USH2A: variants seen among roughly 807,000 people sequenced by gnomAD.
USH2A encodes the protein Usher syndrome 2A (autosomal recessive, mild).
Under a neutral mutation model 538.9 loss-of-function variants are expected in USH2A, and 443 were observed. The ratio of observed to expected loss-of-function variants is 0.82; its 90% CI spans 0.76 to 0.89. USH2A has a LOEUF of 0.89. Ranked by LOEUF, USH2A falls within the 40% of genes least tolerant of loss-of-function variation. The pLI is 0.00. For missense variants in USH2A, 6,633 were observed against 6,324.8 expected, an observed-to-expected ratio of 1.05 and a Z score of -1.65; for synonymous variants, 2,413 against 2,273.5, an observed-to-expected ratio of 1.06 and a Z score of -1.75.
chr1:215,881,199 G>A (rs879553072), intron 41 of USH2A, among the ~76,000 whole-genome samples: 1 of 152,066 alleles, frequency 6.6e-6, no homozygotes, highest in Non-Finnish European at 1.5e-5. Flanking sequence ...GGAGTGCAGC[G>A]GTGCGATTTC....
intron 37 of USH2A, among the ~76,000 whole-genome samples, chr1:215,955,031 A>G (rs1558180585): frequency 1.3e-5 from 2 of 152,056 alleles, no homozygotes; most frequent in African/African-American, 4.8e-5. Flanking sequence ...GCTCAAAGAA[A>G]CTTTCTTGAC....
chr1:216,343,750 A>G (rs1419833677), intron 4 of USH2A, among the ~76,000 whole-genome samples: 1 of 152,038 alleles, frequency 6.6e-6, no homozygotes, highest in Non-Finnish European at 1.5e-5. Context: ...TTAGTGTGAC[A>G]CTAAGAATAT....
chr1:215,996,205 C>T (rs1259018826), intron 34 of USH2A, among the ~76,000 whole-genome samples: 2 of 152,050 alleles, frequency 1.3e-5, no homozygotes, highest in South Asian at 2.1e-4. Flanking sequence ...GCCAGTGTGC[C>T]CGGACCAAAA....
Position 215,765,821 on chromosome 1 carries a change from A to T in USH2A, c.11047+860T>A, listed in dbSNP as rs143922394. ...TATGAACTGATCATCTCATTCTTTT[A>T]TACTGGTGCATGGAATTCCACAATA... On this transcript the variant is annotated intron_variant, in intron 56 of 71. Coordinates refer to ENST00000307340, the MANE Select transcript of USH2A (RefSeq NM_206933.4). Among the ~76,000 whole-genome samples the T allele has an allele frequency of 1.9e-3, 285 of 152,254 alleles. 1 individual carries two copies. Among genetic ancestry groups the T allele is most frequent in the African/African-American group, 6.7e-3 (279 of 41,564 alleles).
At chr1:216,180,144 G>C (rs1432624343) in intron 20 of USH2A, among the ~76,000 whole-genome samples, 7 of 152,014 alleles carry the variant, frequency 4.6e-5, no homozygotes, top group African/African-American at 1.7e-4. Flanking sequence ...TTCAAATTAT[G>C]TATGATTAAG....
At chr1:216,309,726 C>G (rs1285987331) in intron 9 of USH2A, among the ~76,000 whole-genome samples, 2 of 152,008 alleles carry the variant, frequency 1.3e-5, no homozygotes, top group African/African-American at 4.8e-5. Flanking sequence ...CTCCTCTACT[C>G]CTTATTTGTG....
In USH2A at chr1:216,184,842, T is replaced by C. The variant is rs2034566792; in HGVS notation, c.4396+5381A>G. Among the ~76,000 whole-genome samples, 3 of 152,096 alleles carry C rather than the reference T, an allele frequency of 2.0e-5. No individual in the cohort carries two copies. In the South Asian group the frequency reaches 6.2e-4, roughly 32 times the overall value. Reference sequence around the variant, plus strand: ...TTTCAACCCAGCAGCAAACAGCCTATACATTTTACTTTGCATTCAGAAAGA... The same window carrying C: ...TTTCAACCCAGCAGCAAACAGCCTACACATTTTACTTTGCATTCAGAAAGA... On this transcript the variant is annotated intron_variant, in intron 20 of 71. Transcript: ENST00000307340.
At chr1:216,295,449 C>A (rs1367135572) in intron 9 of USH2A, among the ~76,000 whole-genome samples, 1 of 151,512 alleles carries the variant, frequency 6.6e-6, no homozygotes, top group African/African-American at 2.4e-5. Context: ...AATAAATACA[C>A]CTTAGAATTT....
intron 21 of USH2A, among the ~76,000 whole-genome samples, chr1:216,133,007 A>G (rs1439307130): frequency 6.6e-6 from 1 of 152,130 alleles, no homozygotes; most frequent in Admixed American, 6.6e-5. Flanking sequence ...GTTGATGCGT[A>G]TAGCCCTGCT....
intron 4 of USH2A, among the ~76,000 whole-genome samples, chr1:216,349,353 AACCAG>A (rs774992391): frequency 1.3e-5 from 2 of 152,056 alleles, no homozygotes; most frequent in Non-Finnish European, 2.9e-5. Context: ...GGGGCTTTTG[AACCAG>A]AGCAACTCCA....
intron 60 of USH2A, among the ~76,000 whole-genome samples, chr1:215,730,146 G>A: frequency 6.6e-6 from 1 of 152,104 alleles, no homozygotes; most frequent in South Asian, 2.1e-4. Flanking sequence ...GAAATGGAAT[G>A]GTGAGTTGTT....
Position 215,731,044 on chromosome 1 carries a change from T to G in USH2A, c.11712-2660A>C, listed in dbSNP as rs756629551. ...GTCTATGGGGAAGTAACATTTTCTA[T>G]TTTGTCTAGCTTCAGCCTTTCCATG... On this transcript the variant is annotated intron_variant, in intron 60 of 71. Coordinates refer to ENST00000307340, the MANE Select transcript of USH2A (RefSeq NM_206933.4). Among the ~76,000 whole-genome samples the G allele has an allele frequency of 2.0e-5, 3 of 152,328 alleles. No homozygotes were observed. In the South Asian group the frequency reaches 6.2e-4, roughly 32 times the overall value.
intron 32 of USH2A, among the ~76,000 whole-genome samples, chr1:216,036,759 T>C (rs1292023474): frequency 6.6e-6 from 1 of 152,110 alleles, no homozygotes. Flanking sequence ...AATGGCTTTC[T>C]GGAAGACAGG....
In USH2A at chr1:216,098,773, T is replaced by TC. The variant is rs544086152; in HGVS notation, c.4628-1561_4628-1560insG. ...ATTAAAAAAATGTAATGCAATGTGA[T>TC]AAATGGTATAGGGATGTATACAAAA... On this transcript the variant is annotated intron_variant, in intron 21 of 71. Coordinates refer to ENST00000307340, the MANE Select transcript of USH2A (RefSeq NM_206933.4). 7.8e-3 allele frequency among the ~76,000 whole-genome samples: 1,189 copies of TC among 152,320 alleles called. 8 individuals are homozygous for TC. The highest frequency in any genetic ancestry group is 0.012 in the Non-Finnish European group (834 of 68,026).
rs777821355 is a variant in USH2A at position 215,674,125 on chromosome 1, C to T, written c.13786G>A (p.Val4596Ile). The T allele has an allele frequency of 1.2e-6, 2 of 1,614,016 alleles. No individual in the cohort carries two copies. Among genetic ancestry groups the T allele is most frequent in the South Asian group, 2.2e-5 (2 of 91,060 alleles). Residue 4596 changes from valine to isoleucine, a missense_variant, in exon 63 of 72, where the codon GTA becomes ATA. Physicochemically the swap from Val to Ile is conservative, Grantham distance 29. Coordinates refer to ENST00000307340, the MANE Select transcript of USH2A (RefSeq NM_206933.4). Reference protein sequence around the residue: ...HNSFGMQSYIVNQLKPFHRYE... With the variant: ...HNSFGMQSYIINQLKPFHRYE... ...CTGTGAAATGGCTTCAGCTGGTTTA[C>T]TATATATGACTGCATACCAAAAGAA...
rs376815897 is a variant in USH2A at position 215,650,612 on chromosome 1, C to T, written c.14323G>A (p.Ala4775Thr). 16 of 1,614,026 alleles carry T rather than the reference C, an allele frequency of 9.9e-6. No homozygotes were observed. Among genetic ancestry groups the T allele is most frequent in the African/African-American group, 4.0e-5 (3 of 74,898 alleles). Residue 4775 changes from alanine (A) to threonine (T), a missense_variant, in exon 65 of 72, where the codon GCC becomes ACC. Physicochemically the swap from Ala to Thr is moderately conservative, Grantham distance 58 (BLOSUM62 0). Transcript: ENST00000307340. Reference sequence around the variant, plus strand: ...CTCACCACTGTCTCAGCCCCATGGGCGCTGCTGGAGAACAGCCTGTAGAGA... The same window carrying T: ...CTCACCACTGTCTCAGCCCCATGGGTGCTGCTGGAGAACAGCCTGTAGAGA... The part of the protein sequence containing the change: ...VSLYRLFSSS[A>T]HGAETVLSEG...
intron 30 of USH2A, among the ~76,000 whole-genome samples, chr1:216,054,284 T>C (rs1048789537): frequency 1.3e-5 from 2 of 152,196 alleles, no homozygotes; most frequent in Non-Finnish European, 2.9e-5. Context: ...TTTTGACTGA[T>C]ACATTATTAT....
At chr1:215,795,000 G>A (rs1177462529) in intron 50 of USH2A, among the ~76,000 whole-genome samples, 3 of 152,194 alleles carry the variant, frequency 2.0e-5, no homozygotes, top group Non-Finnish European at 4.4e-5. Context: ...TAGAACAGAT[G>A]TATTTTACTT....
chr1:215,794,488 T>C (rs1011016223), intron 50 of USH2A, among the ~76,000 whole-genome samples: 3 of 152,026 alleles, frequency 2.0e-5, no homozygotes, highest in African/African-American at 7.3e-5. Flanking sequence ...AAAAGGGCCA[T>C]ATGGATATTC....
Sources: allele counts gnomAD v4.1 joint callset (sites outside exome capture counted in the v4.1 genomes callset), GRCh38; gene constraint gnomAD v4.1.1; transcripts MANE v1.5; gene names NCBI Gene and HGNC (gene_info 2026-07-23, HGNC 2026-07-21).